Variants in BCKDHB observed in about 807,000 individuals in gnomAD.
BCKDHB encodes branched chain keto acid dehydrogenase E1 subunit beta.
A neutral mutation model predicts 48.5 loss-of-function variants in BCKDHB; 41 were observed. The observed-to-expected ratio is 0.85, with a 90% CI of 0.66 to 1.10. BCKDHB has a LOEUF of 1.10. Ranked by LOEUF, BCKDHB falls within the 50% of genes least tolerant of loss-of-function variation. The pLI, the probability that BCKDHB is intolerant of heterozygous loss-of-function variation, is 0.00. For synonymous variants in BCKDHB, 201 were observed against 174.8 expected, an observed-to-expected ratio of 1.15 and a Z score of -1.18; for missense variants, 496 against 494.2, an observed-to-expected ratio of 1.00 and a Z score of -0.03.
chr6:80,289,675 G>A (rs568411283), intron 9 of BCKDHB, among the ~76,000 whole-genome samples: 5 of 152,134 alleles, frequency 3.3e-5, no homozygotes, highest in Non-Finnish European at 7.4e-5. Flanking sequence ...CACTCTCACC[G>A]CCAGCCTCTG....
At chr6:80,189,603 T>G (rs1773802258) in intron 6 of BCKDHB, among the ~76,000 whole-genome samples, 1 of 152,126 alleles carries the variant, frequency 6.6e-6, no homozygotes, top group Non-Finnish European at 1.5e-5. Context: ...TCATCTACAC[T>G]ATATATATAA....
chr6:80,320,236 A>C (rs571250579), intron 9 of BCKDHB, among the ~76,000 whole-genome samples: 15 of 152,320 alleles, frequency 9.8e-5, no homozygotes, highest in Admixed American at 7.2e-4. Context: ...GTACATAGAC[A>C]AATATCTTTT....
At chr6:80,192,301 G>A (rs750925947) in intron 6 of BCKDHB, among the ~76,000 whole-genome samples, 1 of 151,480 alleles carries the variant, frequency 6.6e-6, no homozygotes, top group Non-Finnish European at 1.5e-5. Context: ...TAAACTCTAT[G>A]TGCTGATGTA....
At chr6:80,382,730 C>T in the BCKDHB span, among the ~76,000 whole-genome samples, 1 of 152,068 alleles carries the variant, frequency 6.6e-6, no homozygotes, top group Non-Finnish European at 1.5e-5. Flanking sequence ...TAGTCCTTCA[C>T]TTGAAATCCA....
intron 1 of BCKDHB, among the ~76,000 whole-genome samples, chr6:80,117,521 A>G (rs1399942354): frequency 6.6e-6 from 1 of 152,374 alleles, no homozygotes; most frequent in East Asian, 1.9e-4. Context: ...CTGGCCATAA[A>G]GAGAATCTCT....
the BCKDHB span, among the ~76,000 whole-genome samples, chr6:80,360,248 C>T: frequency 6.6e-6 from 1 of 152,136 alleles, no homozygotes; most frequent in South Asian, 2.1e-4. Flanking sequence ...TTGTAACTGT[C>T]TTTGAAGTAG....
At chr6:80,454,762 C>A in the BCKDHB span, among the ~76,000 whole-genome samples, 1 of 152,046 alleles carries the variant, frequency 6.6e-6, no homozygotes, top group African/African-American at 2.4e-5. Context: ...GAATCAGGAG[C>A]CCCTCCCTAC....
At chr6:80,129,971 A>C (rs182997285) in intron 3 of BCKDHB, among the ~76,000 whole-genome samples, 3 of 152,338 alleles carry the variant, frequency 2.0e-5, no homozygotes, top group Non-Finnish European at 2.9e-5. Flanking sequence ...TCAAGTTGAC[A>C]TATAATGAAC....
intron 1 of BCKDHB, among the ~76,000 whole-genome samples, chr6:80,108,489 A>G (rs1052602100): frequency 2.0e-5 from 3 of 151,486 alleles, no homozygotes; most frequent in African/African-American, 7.3e-5. Flanking sequence ...ATCATGATAT[A>G]TATAAACTTG....
intron 3 of BCKDHB, among the ~76,000 whole-genome samples, chr6:80,145,032 C>T (rs764364502): frequency 1.1e-4 from 17 of 152,116 alleles, no homozygotes; most frequent in Admixed American, 6.6e-5. Context: ...AGTTACATAA[C>T]GTATCAGGAT....
intron 8 of BCKDHB, among the ~76,000 whole-genome samples, chr6:80,227,481 G>C (rs1199943157): frequency 6.6e-6 from 1 of 152,142 alleles, no homozygotes; most frequent in South Asian, 2.1e-4. Flanking sequence ...AAAAAAACTA[G>C]TGGATGAATT....
chr6:80,425,232 A>G, the BCKDHB span, among the ~76,000 whole-genome samples: 12 of 152,306 alleles, frequency 7.9e-5, no homozygotes, highest in African/African-American at 2.6e-4. Flanking sequence ...TATGTATACC[A>G]CAGTTTTGGA....
At chr6:80,232,730 ATGTT>A (rs1194473546) in intron 8 of BCKDHB, among the ~76,000 whole-genome samples, 2 of 146,778 alleles carry the variant, frequency 1.4e-5, no homozygotes, top group Admixed American at 6.9e-5. Flanking sequence ...AGAGATATGT[ATGTT>A]CTATATAGAG....
At chr6:80,312,899 G>A (rs1488859053) in intron 9 of BCKDHB, among the ~76,000 whole-genome samples, 1 of 152,072 alleles carries the variant, frequency 6.6e-6, no homozygotes, top group African/African-American at 2.4e-5. Context: ...TTTTGTTGTT[G>A]TATCTCTTCC....
chr6:80,352,697 T>C, the BCKDHB span, among the ~76,000 whole-genome samples: 10 of 152,186 alleles, frequency 6.6e-5, no homozygotes, highest in African/African-American at 2.4e-4. Context: ...TTATATATTG[T>C]GCTCAATTTT....
At chr6:80,177,382 A>T (rs1773215003) in intron 6 of BCKDHB, among the ~76,000 whole-genome samples, 1 of 152,118 alleles carries the variant, frequency 6.6e-6, no homozygotes, top group Admixed American at 6.5e-5. Flanking sequence ...CAATGGTTTA[A>T]GCCCAGAAAT....
At chr6:80,399,445 A>G in the BCKDHB span, among the ~76,000 whole-genome samples, 1 of 152,200 alleles carries the variant, frequency 6.6e-6, no homozygotes. Flanking sequence ...ACATTTCTAA[A>G]CAAACACAAG....
At chr6:80,340,364 C>T (rs911710433) in intron 9 of BCKDHB, among the ~76,000 whole-genome samples, 4 of 152,236 alleles carry the variant, frequency 2.6e-5, no homozygotes, top group South Asian at 2.1e-4. Context: ...AGGTGCCTGT[C>T]GTCTCTGGTT....
the BCKDHB span, among the ~76,000 whole-genome samples, chr6:80,390,103 T>C: frequency 1.3e-5 from 2 of 152,198 alleles, no homozygotes; most frequent in African/African-American, 4.8e-5. Context: ...AGTTACAGTG[T>C]TGGCTGGGGT....
Sources: allele counts gnomAD v4.1 joint callset (sites outside exome capture counted in the v4.1 genomes callset), GRCh38; gene constraint gnomAD v4.1.1; transcripts MANE v1.5; gene names NCBI Gene and HGNC (gene_info 2026-07-23, HGNC 2026-07-21).